Variants in MYO1D observed in about 807,000 individuals in gnomAD.
The protein encoded by MYO1D is myosin ID, also known as unconventional myosin-Id.
A neutral mutation model predicts 122.0 loss-of-function variants in MYO1D; 83 were observed. That is an observed-to-expected ratio of 0.68 (90% CI 0.57 to 0.82). The LOEUF is 0.82. Among genes scored for constraint, MYO1D ranks in the 40% least tolerant of loss-of-function variants. The pLI, the probability that MYO1D is intolerant of heterozygous loss-of-function variation, is 0.00. For synonymous variants in MYO1D, 464 were observed against 446.9 expected, an observed-to-expected ratio of 1.04 and a Z score of -0.48; for missense variants, 1,157 against 1,269.5, an observed-to-expected ratio of 0.91 and a Z score of 1.35.
chr17:32,659,972 A>G (rs996757857), intron 16 of MYO1D, among the ~76,000 whole-genome samples: 8 of 152,226 alleles, frequency 5.3e-5, no homozygotes, highest in African/African-American at 1.7e-4. Context: ...TCATCCAAGC[A>G]TGGTAAAGTC....
rs910148936 is a variant in MYO1D, at chr17:32,738,277, A to C, written c.1722T>G (p.Ala574=). ...CCTTTGATGCAAGGTTGTCTACTAG[A>C]GCAATCATAGAATTCTTAAACAAGG... The part of the protein sequence containing the change: ...AATLFKNSMI[A]LVDNLASKEP... The change falls in exon 14 of 22, where the codon GCT becomes GCG. Residue 574 remains alanine (A), a synonymous_variant. Transcript: ENST00000318217. 4.4e-6 allele frequency: 7 copies of C among 1,608,644 alleles called. No homozygotes were observed. Among genetic ancestry groups the C allele is most frequent in the Non-Finnish European group, 4.2e-6 (5 of 1,177,516 alleles).
At chr17:32,794,458 C>T (rs978754165) in intron 1 of MYO1D, among the ~76,000 whole-genome samples, 14 of 151,862 alleles carry the variant, frequency 9.2e-5, no homozygotes, top group African/African-American at 3.4e-4. Flanking sequence ...TATGGCATGC[C>T]TAATTTTAAA....
intron 20 of MYO1D, among the ~76,000 whole-genome samples, chr17:32,629,778 G>A (rs2087979821): frequency 6.6e-6 from 1 of 151,330 alleles, no homozygotes; most frequent in Non-Finnish European, 1.5e-5. Flanking sequence ...AGGGCGGAAA[G>A]AAAAGGTGCT....
At chr17:32,500,787 A>G (rs531580202) in intron 21 of MYO1D, among the ~76,000 whole-genome samples, 26 of 152,268 alleles carry the variant, frequency 1.7e-4, no homozygotes, top group Admixed American at 1.4e-3. Context: ...TGGGTGGATC[A>G]TGAGGTCAGG....
At chr17:32,715,564 AAGAC>A (rs1355226257) in intron 15 of MYO1D, among the ~76,000 whole-genome samples, 1 of 152,180 alleles carries the variant, frequency 6.6e-6, no homozygotes, top group African/African-American at 2.4e-5. Context: ...TCCCAAGCCT[AAGAC>A]CTGGACTTCT....
chr17:32,585,742 T>TAAA (rs5819989), intron 21 of MYO1D, among the ~76,000 whole-genome samples: 5 of 112,162 alleles, frequency 4.5e-5, no homozygotes, highest in Middle Eastern at 4.5e-3. Context: ...CGTCTCAAAA[T>TAAA]AAAAAAAAAA....
intron 1 of MYO1D, among the ~76,000 whole-genome samples, chr17:32,784,328 T>C (rs1310906561): frequency 6.6e-6 from 1 of 152,180 alleles, no homozygotes; most frequent in Non-Finnish European, 1.5e-5. Flanking sequence ...GGTTCCTTCT[T>C]CCCCATGTGC....
At chr17:32,587,948 T>C (rs764723108) in intron 21 of MYO1D, among the ~76,000 whole-genome samples, 1 of 152,218 alleles carries the variant, frequency 6.6e-6, no homozygotes, top group Non-Finnish European at 1.5e-5. Flanking sequence ...TTTGTAGAAA[T>C]CCTCAAAGGC....
At position 32,834,325 on chromosome 17, in the gene MYO1D, C is replaced by T. The variant is rs141624434; in HGVS notation, c.95+42453G>A. Among the ~76,000 whole-genome samples, 463 of 152,268 alleles carry T rather than the reference C, an allele frequency of 3.0e-3. 1 individual carries two copies. Among genetic ancestry groups the T allele is most frequent in the Middle Eastern group, 0.01 (3 of 294 alleles). On this transcript the variant is annotated intron_variant, in intron 1 of 21. Transcript: ENST00000318217. ...CAGAAATGAACAAGTACATATGATACCTGTCCTCATGGAGCTTGCAGTCAA... is the reference window on the plus strand; with the variant it reads ...CAGAAATGAACAAGTACATATGATATCTGTCCTCATGGAGCTTGCAGTCAA...
At chr17:32,874,235 CTTTCTTTTCCTTTCTTTT>C in intron 1 of MYO1D, among the ~76,000 whole-genome samples, 1 of 149,192 alleles carries the variant, frequency 6.7e-6, no homozygotes, top group Non-Finnish European at 1.5e-5. Context: ...TTTATCTTCT[CTTTCTTTTCCTTTCTTTT>C]TTTCTTTTCT....
chr17:32,655,151 A>G (rs2088457959), intron 17 of MYO1D, among the ~76,000 whole-genome samples: 1 of 152,252 alleles, frequency 6.6e-6, no homozygotes, highest in Admixed American at 6.5e-5. Flanking sequence ...TGTGTTTTGA[A>G]AGCAACTAGA....
At chr17:32,813,309 A>T (rs1260418843) in intron 1 of MYO1D, among the ~76,000 whole-genome samples, 1 of 152,234 alleles carries the variant, frequency 6.6e-6, no homozygotes, top group Non-Finnish European at 1.5e-5. Flanking sequence ...ACAGCCCAGT[A>T]GGGGATGCAG....
chr17:32,528,823 G>A (rs1013882666), intron 21 of MYO1D, among the ~76,000 whole-genome samples: 2 of 152,166 alleles, frequency 1.3e-5, no homozygotes, highest in African/African-American at 4.8e-5. Flanking sequence ...GTGGAGGAGT[G>A]GATTCTCCCT....
At chr17:32,735,861 C>T (rs1444578602) in intron 14 of MYO1D, among the ~76,000 whole-genome samples, 7 of 151,878 alleles carry the variant, frequency 4.6e-5, no homozygotes, top group African/African-American at 1.5e-4. Flanking sequence ...TGCTTTTAAC[C>T]GTTTTTGGTG....
At position 32,876,804 on chromosome 17, in the gene MYO1D, G is replaced by A; in HGVS notation, c.69C>T (p.Pro23=). 1.3e-6 allele frequency: 2 copies of A among 1,522,580 alleles called. No homozygotes were observed. Among genetic ancestry groups the A allele is most frequent in the Non-Finnish European group, 8.8e-7 (1 of 1,135,594 alleles). 94.3% of individuals were successfully genotyped at this position (1,522,580 alleles called of 1,614,324 possible). ...TGAGCCTGAGGTTGGCCATGAACTC[G>A]GGCATGGAGACGGTGTCCATCAGCA... ...DFVLMDTVSM[P]EFMANLRLRF... Residue 23 remains proline, a synonymous_variant, in exon 1 of 22, where the codon CCC becomes CCT. Transcript: ENST00000318217.
At chr17:32,561,354 C>T (rs1597898657) in intron 21 of MYO1D, among the ~76,000 whole-genome samples, 2 of 150,568 alleles carry the variant, frequency 1.3e-5, no homozygotes, top group East Asian at 3.9e-4. Context: ...CAACTCTCTC[C>T]TTTTTTTTTA....
At chr17:32,823,670 T>A (rs2090695413) in intron 1 of MYO1D, among the ~76,000 whole-genome samples, 1 of 152,136 alleles carries the variant, frequency 6.6e-6, no homozygotes, top group African/African-American at 2.4e-5. Context: ...GTTATAGTTA[T>A]AAAAGTAACT....
chr17:32,650,194 G>A (rs1458569806), intron 19 of MYO1D, among the ~76,000 whole-genome samples: 1 of 152,158 alleles, frequency 6.6e-6, no homozygotes, highest in Non-Finnish European at 1.5e-5. Flanking sequence ...TATATTTGCT[G>A]GGTATAGAAT....
chr17:32,546,139 G>A (rs1419181330), intron 21 of MYO1D, among the ~76,000 whole-genome samples: 1 of 152,132 alleles, frequency 6.6e-6, no homozygotes, highest in African/African-American at 2.4e-5. Context: ...GGCTGCCTTT[G>A]TAACGGCCCT....
Sources: gnomAD v4.1 joint callset for allele counts (sites outside exome capture counted in the v4.1 genomes callset) on GRCh38, gnomAD v4.1.1 for gene constraint, MANE v1.5 for transcripts, NCBI Gene and HGNC (gene_info 2026-07-23, HGNC 2026-07-21) for gene names.